The following SDK2 variants were observed in gnomAD, a reference collection of about 807,000 sequenced individuals.
The protein encoded by SDK2 is sidekick cell adhesion molecule 2.
A neutral mutation model predicts 253.9 loss-of-function variants in SDK2; 105 were observed. The observed-to-expected ratio is 0.41, with a 90% CI of 0.35 to 0.49. The LOEUF is 0.49. SDK2 is among the 20% of genes least tolerant of loss of function. SDK2 has a pLI of 0.06. For missense variants in SDK2, 2,608 were observed against 3,003.0 expected (o/e 0.87, Z 3.07); for synonymous variants, 1,249 against 1,234.9 (o/e 1.01, Z -0.24).
At chr17:73,594,724 C>T (rs530205313) in intron 1 of SDK2, among the ~76,000 whole-genome samples, 1 of 152,134 alleles carries the variant, frequency 6.6e-6, no homozygotes, top group Non-Finnish European at 1.5e-5. Flanking sequence ...AATACAAATA[C>T]ATGCAGCACA....
intron 1 of SDK2, among the ~76,000 whole-genome samples, chr17:73,527,249 T>C (rs2064133358): frequency 1.3e-5 from 2 of 152,288 alleles, no homozygotes; most frequent in South Asian, 4.1e-4. Context: ...AGCAGGATGA[T>C]GCAGTCTTGG....
Position 73,455,960 on chromosome 17 carries a change from TG to T in SDK2, c.424del (p.Gln142SerfsTer4). ...IRAPRIASFP[Q>X]PQVTWFRDGR... ...GTCCCGGAACCAGGTCACCTGTGGC[TG>T]GGGGAAGCTGGCGATGCGCGGGGCA... On this transcript the variant is annotated frameshift_variant, in exon 4 of 45. Coordinates refer to ENST00000392650, the MANE Select transcript of SDK2 (RefSeq NM_001144952.2). LOFTEE classifies it high-confidence loss of function. The surrounding 1 kb of genome is among the most constrained non-coding windows in gnomAD (Gnocchi z 5.0). 1.9e-6 allele frequency: 3 copies of T among 1,548,330 alleles called. No individual in the cohort carries two copies.
chr17:73,550,178 T>C (rs1326642369), intron 1 of SDK2, among the ~76,000 whole-genome samples: 1 of 152,076 alleles, frequency 6.6e-6, no homozygotes, highest in Non-Finnish European at 1.5e-5. Context: ...CTTGGAAATA[T>C]GCTTGATGGA....
At chr17:73,504,804 G>GGAAC (rs1197261895) in intron 2 of SDK2, among the ~76,000 whole-genome samples, 1 of 152,184 alleles carries the variant, frequency 6.6e-6, no homozygotes, top group Non-Finnish European at 1.5e-5. Context: ...GAATTTGCAG[G>GGAAC]GAACTGTCCT....
At chr17:73,602,214 T>C (rs1374588455) in intron 1 of SDK2, among the ~76,000 whole-genome samples, 3 of 151,750 alleles carry the variant, frequency 2.0e-5, no homozygotes, top group Non-Finnish European at 2.9e-5. Flanking sequence ...GAGGCTGGAG[T>C]TGAGATCCCC....
chr17:73,644,345 C>G lies in SDK2; in HGVS notation c.-257G>C, dbSNP rs974988060. Among the ~76,000 whole-genome samples the G allele has an allele frequency of 7.9e-5, 12 of 152,212 alleles. No individual in the cohort carries two copies. Among genetic ancestry groups the G allele is most frequent in the Non-Finnish European group, 1.5e-4 (10 of 68,026 alleles). Reference sequence around the variant, plus strand: ...AGGGAGAAAGAGGCCAGGCCGCCCTCTCGGACTAGGGCGCCTCTCTCCCTT... The same window carrying G: ...AGGGAGAAAGAGGCCAGGCCGCCCTGTCGGACTAGGGCGCCTCTCTCCCTT... On this transcript the variant is annotated 5_prime_UTR_variant, in exon 1 of 45. Transcript: ENST00000392650. This position sits in a 1 kb window ranked among gnomAD's most constrained non-coding sequence, Gnocchi z 6.3.
chr17:73,553,235 G>C (rs2045091904), intron 1 of SDK2, among the ~76,000 whole-genome samples: 2 of 145,632 alleles, frequency 1.4e-5, no homozygotes, highest in Admixed American at 1.3e-4. Context: ...GGCAGGACAG[G>C]CCACGGGGGG....
At chr17:73,371,575 G>C (rs2062734762) in intron 36 of SDK2, among the ~76,000 whole-genome samples, 1 of 152,148 alleles carries the variant, frequency 6.6e-6, no homozygotes, top group East Asian at 1.9e-4. Flanking sequence ...GGGAGAAAGA[G>C]AGCAGAGGAA....
chr17:73,438,533 G>C (rs981306657), intron 6 of SDK2, among the ~76,000 whole-genome samples: 8 of 152,162 alleles, frequency 5.3e-5, no homozygotes, highest in Non-Finnish European at 7.3e-5. Flanking sequence ...TGCCCCATCT[G>C]ACCACAGATC....
At chr17:73,375,597 G>A (rs994657984) in intron 36 of SDK2, among the ~76,000 whole-genome samples, 7 of 152,024 alleles carry the variant, frequency 4.6e-5, no homozygotes, top group Non-Finnish European at 1.0e-4. Flanking sequence ...AGTGGCTCAC[G>A]CCTGTAATCT....
intron 2 of SDK2, among the ~76,000 whole-genome samples, chr17:73,483,841 C>G (rs2063754181): frequency 6.7e-6 from 1 of 149,854 alleles, no homozygotes; most frequent in Non-Finnish European, 1.5e-5. Context: ...CTGCGCCCAG[C>G]CAGACAGAAC....
chr17:73,583,826 C>A (rs2045569199), intron 1 of SDK2, among the ~76,000 whole-genome samples: 1 of 152,170 alleles, frequency 6.6e-6, no homozygotes, highest in African/African-American at 2.4e-5. Context: ...AAATTTTATG[C>A]CTGGCTCTGC....
Position 73,335,331 on chromosome 17 carries a change from C to G in SDK2, c.*3256G>C, listed in dbSNP as rs1243770548. The G allele has an allele frequency of 6.6e-6, 1 of 152,298 alleles. No homozygotes were observed. The highest frequency in any genetic ancestry group is 1.5e-5 in the Non-Finnish European group (1 of 68,118). 9.4% of individuals were successfully genotyped at this position (152,298 alleles called of 1,614,324 possible). ...TTGCTTAGGGCACAAGGAGGCAATG[C>G]CAAAGGTGCCAGGTGTGTCCTGGTG... On this transcript the variant is annotated 3_prime_UTR_variant, in exon 45 of 45. Coordinates refer to ENST00000392650, the MANE Select transcript of SDK2 (RefSeq NM_001144952.2).
chr17:73,639,101 T>C lies in SDK2; in HGVS notation c.64+4924A>G, dbSNP rs2046366471. Among the ~76,000 whole-genome samples the C allele has an allele frequency of 6.6e-6, 1 of 152,196 alleles. No individual in the cohort carries two copies. Among genetic ancestry groups the C allele is most frequent in the African/African-American group, 2.4e-5 (1 of 41,450 alleles). On this transcript the variant is annotated intron_variant, in intron 1 of 44. Transcript: ENST00000392650. The surrounding 1 kb of genome is among the most constrained non-coding windows in gnomAD (Gnocchi z 4.3). ...CTGGGATTACAGGCGTGAGCCACTG[T>C]GCCTGGCTGGTAGACACAACTATTT...
chr17:73,498,669 C>T (rs890288485), intron 2 of SDK2, among the ~76,000 whole-genome samples: 1 of 152,194 alleles, frequency 6.6e-6, no homozygotes, highest in Non-Finnish European at 1.5e-5. Flanking sequence ...TATCAAGACG[C>T]CTCTCCTTAT....
intron 1 of SDK2, among the ~76,000 whole-genome samples, chr17:73,538,590 T>C (rs2044817694): frequency 6.6e-6 from 1 of 152,238 alleles, no homozygotes; most frequent in Admixed American, 6.5e-5. Flanking sequence ...AACCACCTCC[T>C]GGCCTCCGAA....
In SDK2 at chr17:73,431,220, G is replaced by A. The variant is rs561639848; in HGVS notation, c.1480+282C>T. 1.3e-5 allele frequency among the ~76,000 whole-genome samples: 2 copies of A among 152,260 alleles called. No individual in the cohort carries two copies. The highest frequency in any genetic ancestry group is 1.9e-4 in the East Asian group (1 of 5,184). On this transcript the variant is annotated intron_variant, in intron 11 of 44. Coordinates refer to ENST00000392650, the MANE Select transcript of SDK2 (RefSeq NM_001144952.2). This position sits in a 1 kb window ranked among gnomAD's most constrained non-coding sequence, Gnocchi z 5.6. ...TGGCCCTTTCTTGAAAATATTTGCC[G>A]ATTTCTGCCCTAAAATATATGAAGG...
intron 1 of SDK2, among the ~76,000 whole-genome samples, chr17:73,586,103 T>C (rs929888803): frequency 6.6e-6 from 1 of 152,212 alleles, no homozygotes; most frequent in African/African-American, 2.4e-5. Context: ...CATGGGCTAT[T>C]GTAGGGCTAA....
intron 10 of SDK2, among the ~76,000 whole-genome samples, chr17:73,432,999 C>G (rs1368704591): frequency 6.6e-6 from 1 of 152,080 alleles, no homozygotes; most frequent in Admixed American, 6.5e-5. Context: ...ATCTGGAGCC[C>G]TCTGAGCTGC....
Sources: allele counts gnomAD v4.1 joint callset (sites outside exome capture counted in the v4.1 genomes callset), GRCh38; gene constraint gnomAD v4.1.1; non-coding constraint Gnocchi (gnomAD v3.1); transcripts MANE v1.5; gene names NCBI Gene and HGNC (gene_info 2026-07-23, HGNC 2026-07-21).